MTOR: variants seen among roughly 807,000 people sequenced by gnomAD.
MTOR encodes the protein serine/threonine-protein kinase mTOR.
In MTOR, 70 loss-of-function variants were observed where a neutral mutation model predicts 319.8. The ratio of observed to expected loss-of-function variants is 0.22; its 90% confidence interval spans 0.18 to 0.27. The LOEUF is 0.27. MTOR is among the 10% of genes least tolerant of loss of function. The pLI, the probability that MTOR is intolerant of heterozygous loss-of-function variation, is 1.00. For synonymous variants in MTOR, 1,183 were observed against 1,211.4 expected (o/e 0.98, Z 0.49); for missense variants, 1,890 against 3,274.4 (o/e 0.58, Z 10.32).
rs1322658102 is a variant in MTOR at position 11,114,407 on chromosome 1, A to G, written c.7211T>C (p.Met2404Thr). ...GTCCTTGTGCTCTCGCAGCACCTCC[A>G]TCACTGTGTGGCATGTGATTCTGTA... Reference protein sequence around the residue: ...GNYRITCHTVMEVLREHKDSV... With the variant: ...GNYRITCHTVTEVLREHKDSV... Residue 2404 changes from methionine to threonine, a missense_variant, in exon 53 of 58, where the codon ATG becomes ACG. Met to Thr is a moderately conservative substitution (Grantham distance 81). Around this residue, in one of 15 missense-constraint regions of MTOR, gnomAD observed 23 missense variants for 81.7 expected, o/e 0.28. Transcript: ENST00000361445. The G allele has an allele frequency of 6.2e-7, 1 of 1,614,178 alleles. No homozygotes were observed. Among genetic ancestry groups the G allele is most frequent in the South Asian group, 1.1e-5 (1 of 91,082 alleles).
At chr1:11,261,152 C>A (rs1046222236) in intron 1 of MTOR, among the ~76,000 whole-genome samples, 1 of 151,868 alleles carries the variant, frequency 6.6e-6, no homozygotes, top group Non-Finnish European at 1.5e-5. Context: ...TTGTACTGAA[C>A]AACGCAGTTC....
intron 24 of MTOR, among the ~76,000 whole-genome samples, chr1:11,210,398 C>T (rs1464664182): frequency 1.3e-5 from 2 of 152,232 alleles, no homozygotes; most frequent in African/African-American, 4.8e-5. Flanking sequence ...AATCCACCTG[C>T]CTTGGCCTCC....
intron 3 of MTOR, among the ~76,000 whole-genome samples, chr1:11,257,690 G>C (rs1194738040): frequency 6.6e-6 from 1 of 151,618 alleles, no homozygotes; most frequent in Admixed American, 6.6e-5. Context: ...ACTTGTGCCA[G>C]AAATATTTAC....
intron 34 of MTOR, among the ~76,000 whole-genome samples, chr1:11,139,925 C>T (rs1464819411): frequency 6.6e-6 from 1 of 152,096 alleles, no homozygotes; most frequent in African/African-American, 2.4e-5. Flanking sequence ...TTCCTGACCT[C>T]GTGATCCAAC....
At chr1:11,221,423 T>C (rs1056583954) in intron 19 of MTOR, among the ~76,000 whole-genome samples, 2 of 152,098 alleles carry the variant, frequency 1.3e-5, no homozygotes, top group African/African-American at 4.8e-5. Flanking sequence ...TTAAACTACA[T>C]TTAGTCATCT....
intron 28 of MTOR, among the ~76,000 whole-genome samples, chr1:11,177,390 T>C (rs1481129907): frequency 6.6e-6 from 1 of 150,552 alleles, no homozygotes; most frequent in Admixed American, 6.6e-5. Flanking sequence ...AGACTTCGAA[T>C]CTACAAAAAA....
intron 36 of MTOR, among the ~76,000 whole-genome samples, chr1:11,138,626 G>A (rs1643544059): frequency 6.6e-6 from 1 of 152,170 alleles, no homozygotes; most frequent in Non-Finnish European, 1.5e-5. Flanking sequence ...GGGTCACAAT[G>A]GGGAGAGAAG....
intron 16 of MTOR, among the ~76,000 whole-genome samples, chr1:11,231,984 C>G (rs1013180156): frequency 1.3e-5 from 2 of 152,076 alleles, no homozygotes; most frequent in Non-Finnish European, 2.9e-5. Context: ...TCCCAAAGTG[C>G]TAGGATTACA....
At chr1:11,200,920 C>T (rs1261923334) in intron 26 of MTOR, among the ~76,000 whole-genome samples, 3 of 151,236 alleles carry the variant, frequency 2.0e-5, no homozygotes, top group Non-Finnish European at 4.4e-5. Flanking sequence ...GAGGCTGAGG[C>T]AGGAGAATGG....
intron 36 of MTOR, among the ~76,000 whole-genome samples, chr1:11,137,729 A>G (rs1643495107): frequency 6.6e-6 from 1 of 152,234 alleles, no homozygotes; most frequent in African/African-American, 2.4e-5. Flanking sequence ...CAGAAGGACC[A>G]GCCTGTCTCT....
intron 19 of MTOR, among the ~76,000 whole-genome samples, chr1:11,217,550 G>A (rs747849275): frequency 3.3e-5 from 5 of 150,788 alleles, no homozygotes; most frequent in East Asian, 1.9e-4. Flanking sequence ...ACAGGCGCCC[G>A]CCACCATGCC....
Position 11,241,194 on chromosome 1 carries a change from G to T in MTOR, c.1541+359C>A, listed in dbSNP as rs183542465. 2.8e-3 allele frequency among the ~76,000 whole-genome samples: 431 copies of T among 151,876 alleles called. 3 individuals are homozygous for T. Among genetic ancestry groups the T allele is most frequent in the African/African-American group, 0.01 (418 of 41,422 alleles). On this transcript the variant is annotated intron_variant, in intron 10 of 57. Coordinates refer to ENST00000361445, the MANE Select transcript of MTOR (RefSeq NM_004958.4). ...GAATTAGCCAGGCGTGGTGGCAGGC[G>T]CCTGTAGTCCCAGCTACTCAGGAGG...
chr1:11,203,360 T>C (rs1646041248), intron 26 of MTOR, among the ~76,000 whole-genome samples: 1 of 152,216 alleles, frequency 6.6e-6, no homozygotes, highest in Admixed American at 6.5e-5. Context: ...ACTTTGAAAA[T>C]ATATGTACAT....
At chr1:11,209,570 A>G in intron 24 of MTOR, 112 bp from the exon 25 acceptor site, 1 of 1,297,454 alleles carries the variant, frequency 7.7e-7, no homozygotes, top group Non-Finnish European at 1.1e-6. Context: ...GATTTCAGTA[A>G]GAAGTAAAAA....
Position 11,119,745 on chromosome 1 carries a change from C to CAA in MTOR, c.6933+1499_6933+1500dup, listed in dbSNP as rs925991572. On this transcript the variant is annotated intron_variant, in intron 49 of 57. Transcript: ENST00000361445. ...TGGGTAACAGAGTAAGACCTTGTCT[C>CAA]AAAAAAAAAAAACAAAACAAAACAC... is the stretch of plus-strand genomic sequence containing the variant. 4.2e-4 allele frequency among the ~76,000 whole-genome samples: 47 copies of CAA among 110,864 alleles called. No individual in the cohort carries two copies. The South Asian group carries it at 0.011, about 27-fold the overall frequency. The allele number at this position is 110,864 out of a possible 152,430, so 72.7% of individuals were successfully genotyped here.
chr1:11,140,626 C>T (rs775102057), intron 34 of MTOR, among the ~76,000 whole-genome samples: 14 of 152,278 alleles, frequency 9.2e-5, no homozygotes, highest in African/African-American at 3.1e-4. Flanking sequence ...TCACTTGCTA[C>T]CCTATGTGAC....
At chr1:11,157,619 GA>G (rs1644357806) in intron 29 of MTOR, among the ~76,000 whole-genome samples, 1 of 152,158 alleles carries the variant, frequency 6.6e-6, no homozygotes, top group South Asian at 2.1e-4. Flanking sequence ...GAGGACAGGG[GA>G]AATCATTTAG....
chr1:11,185,426 A>T (rs2100683523), intron 28 of MTOR, among the ~76,000 whole-genome samples: 1 of 146,640 alleles, frequency 6.8e-6, no homozygotes, highest in South Asian at 2.1e-4. Context: ...AAAAAAAAAA[A>T]GAAAAGAAAG....
chr1:11,251,415 A>G (rs1218659827), intron 6 of MTOR, among the ~76,000 whole-genome samples: 2 of 152,034 alleles, frequency 1.3e-5, no homozygotes, highest in African/African-American at 2.4e-5. Context: ...AGGTGAGCAT[A>G]CTCTATTCCC....
Sources: allele counts gnomAD v4.1 joint callset (sites outside exome capture counted in the v4.1 genomes callset), GRCh38; gene constraint gnomAD v4.1.1; regional missense constraint gnomAD v4.1.1; transcripts MANE v1.5; gene names NCBI Gene and HGNC (gene_info 2026-07-23, HGNC 2026-07-21).